Variants in THADA observed in about 807,000 individuals in gnomAD.
THADA encodes the protein THADA armadillo repeat containing.
THADA carries 213 observed loss-of-function variants against 219.8 expected under a neutral mutation model. That is an observed-to-expected ratio of 0.97 (90% CI 0.87 to 1.09). The LOEUF is 1.09. THADA is among the 50% of genes least tolerant of loss of function. THADA has a pLI of 0.00. For synonymous variants in THADA, 1,018 were observed against 828.9 expected (o/e 1.23, Z -3.92); for missense variants, 2,956 against 2,311.3 (o/e 1.28, Z -5.72).
At chr2:43,330,862 GC>G (rs906352296) in intron 30 of THADA, among the ~76,000 whole-genome samples, 2 of 152,030 alleles carry the variant, frequency 1.3e-5, no homozygotes, top group African/African-American at 4.8e-5. Context: ...AGGTCAAGAG[GC>G]AAAAAACAAA....
intron 36 of THADA, among the ~76,000 whole-genome samples, chr2:43,270,186 C>T (rs1301383352): frequency 6.6e-6 from 1 of 152,068 alleles, no homozygotes; most frequent in Non-Finnish European, 1.5e-5. Flanking sequence ...GTGTTGTAGA[C>T]CTCGTTTTTC....
chr2:43,297,383 CAGCCACCCCATCTGGGAAGTGAGG>C (rs1675575677), intron 31 of THADA, among the ~76,000 whole-genome samples: 1 of 99,810 alleles, frequency 1.0e-5, no homozygotes, highest in Non-Finnish European at 1.9e-5. Flanking sequence ...CTCTGCCCGG[CAGCCACCCCATCTGGGAAGTGAGG>C]AGCGTCTCCG....
At chr2:43,301,029 C>G (rs560877707) in intron 31 of THADA, among the ~76,000 whole-genome samples, 68 of 152,314 alleles carry the variant, frequency 4.5e-4, no homozygotes, top group African/African-American at 1.6e-3. Context: ...ATTAAAACCA[C>G]ACATGCCTGA....
At chr2:43,586,759 G>A in intron 5 of THADA, 25 bp from the exon 6 acceptor site, 2 of 1,611,758 alleles carry the variant, frequency 1.2e-6, no homozygotes, top group Non-Finnish European at 1.7e-6. Flanking sequence ...ATGAACACTG[G>A]TAAGGAGTTT....
chr2:43,516,109 G>A (rs72865297), intron 22 of THADA, among the ~76,000 whole-genome samples: 25,080 of 152,064 alleles, frequency 0.16, 2,991 homozygotes, highest in African/African-American at 0.33. Context: ...TTCAGATCAC[G>A]TTTTACTTCC....
At chr2:43,569,493 C>T (rs1464076898) in intron 14 of THADA, among the ~76,000 whole-genome samples, 1 of 152,158 alleles carries the variant, frequency 6.6e-6, no homozygotes, top group Non-Finnish European at 1.5e-5. Flanking sequence ...AAACCCATGT[C>T]TTTAAAGTTC....
At chr2:43,268,762 G>C (rs1671811284) in intron 36 of THADA, among the ~76,000 whole-genome samples, 1 of 152,164 alleles carries the variant, frequency 6.6e-6, no homozygotes, top group Non-Finnish European at 1.5e-5. Context: ...TGACAGCCTG[G>C]GTCTGACCTT....
chr2:43,300,440 T>TC (rs1676122182), intron 31 of THADA, among the ~76,000 whole-genome samples: 1 of 152,158 alleles, frequency 6.6e-6, no homozygotes, highest in Admixed American at 6.5e-5. Flanking sequence ...AGTTACTTGC[T>TC]CAAGGTCACT....
Position 43,466,077 on chromosome 2 carries a change from T to A in THADA, c.3836+19157A>T, listed in dbSNP as rs559431503. Among the ~76,000 whole-genome samples, 75 of 152,326 alleles carry A rather than the reference T, an allele frequency of 4.9e-4. 1 individual carries two copies. Among genetic ancestry groups the A allele is most frequent in the African/African-American group, 1.8e-3 (75 of 41,580 alleles). ...TATCTGTCTCTCCATCCTCCTTGTC[T>A]GCCTCATTTCCAACCTGAACTCATG... is the stretch of plus-strand genomic sequence containing the variant. On this transcript the variant is annotated intron_variant, in intron 26 of 37. Coordinates refer to ENST00000405975, the MANE Select transcript of THADA (RefSeq NM_022065.5).
chr2:43,589,327 G>C (rs1701313092), intron 4 of THADA, among the ~76,000 whole-genome samples: 1 of 152,152 alleles, frequency 6.6e-6, no homozygotes, highest in Admixed American at 6.5e-5. Context: ...CTATAACAGG[G>C]ATGAACCTTA....
chr2:43,559,913 A>C (rs918583433), intron 16 of THADA, among the ~76,000 whole-genome samples: 5 of 152,214 alleles, frequency 3.3e-5, no homozygotes, highest in Non-Finnish European at 7.3e-5. Context: ...TTACATGTCC[A>C]AGGGAACAGG....
At chr2:43,549,112 C>T in intron 20 of THADA, 98 bp downstream of exon 20, 1 of 1,119,512 alleles carries the variant, frequency 8.9e-7, no homozygotes, top group South Asian at 1.9e-5. Context: ...ATGTTCTGCA[C>T]AGATTTGCAA....
At chr2:43,334,303 T>G (rs927149198) in intron 30 of THADA, among the ~76,000 whole-genome samples, 1 of 151,948 alleles carries the variant, frequency 6.6e-6, no homozygotes, top group Non-Finnish European at 1.5e-5. Flanking sequence ...AAAGGGCACA[T>G]GGAGGACTGC....
At chr2:43,423,739 G>A (rs1678044099) in intron 28 of THADA, among the ~76,000 whole-genome samples, 1 of 152,098 alleles carries the variant, frequency 6.6e-6, no homozygotes, top group African/African-American at 2.4e-5. Context: ...AGGATTCTAT[G>A]GTCCTAGGTT....
At chr2:43,285,840 T>C (rs1389978094) in intron 35 of THADA, among the ~76,000 whole-genome samples, 1 of 152,128 alleles carries the variant, frequency 6.6e-6, no homozygotes, top group Non-Finnish European at 1.5e-5. Flanking sequence ...CGTGAGCCAC[T>C]GTGCCTGGCT....
At chr2:43,469,431 C>T (rs982859494) in intron 26 of THADA, among the ~76,000 whole-genome samples, 6 of 152,006 alleles carry the variant, frequency 3.9e-5, no homozygotes, top group African/African-American at 9.7e-5. Context: ...TGTGGACAAA[C>T]CTGAAATCTC....
intron 25 of THADA, among the ~76,000 whole-genome samples, chr2:43,493,590 C>A (rs1687919082): frequency 6.6e-6 from 1 of 152,088 alleles, no homozygotes; most frequent in African/African-American, 2.4e-5. Flanking sequence ...CCGAGAATTG[C>A]CTGTTCTGCA....
At chr2:43,457,949 G>C (rs942894217) in intron 26 of THADA, among the ~76,000 whole-genome samples, 1 of 151,884 alleles carries the variant, frequency 6.6e-6, no homozygotes, top group South Asian at 2.1e-4. Flanking sequence ...AGGTGATAGG[G>C]GATATCCTTA....
chr2:43,411,108 T>A (rs151017929), intron 28 of THADA, among the ~76,000 whole-genome samples: 2 of 152,264 alleles, frequency 1.3e-5, no homozygotes, highest in African/African-American at 2.4e-5. Context: ...CACACAAGAA[T>A]TAAAAAACAA....
Sources: gnomAD v4.1 joint callset for allele counts (sites outside exome capture counted in the v4.1 genomes callset) on GRCh38, gnomAD v4.1.1 for gene constraint, MANE v1.5 for transcripts, NCBI Gene and HGNC (gene_info 2026-07-23, HGNC 2026-07-21) for gene names.